The following SPOCK3 variants were observed in gnomAD, a reference collection of about 807,000 sequenced individuals.
SPOCK3 encodes the protein testican-3.
SPOCK3 carries 30 observed loss-of-function variants against 56.6 expected under a neutral mutation model. The ratio of observed to expected loss-of-function variants is 0.53; its 90% CI spans 0.40 to 0.72. SPOCK3 has a LOEUF of 0.72. Ranked by LOEUF, SPOCK3 falls within the 30% of genes least tolerant of loss-of-function variation. The probability of loss-of-function intolerance (pLI) is 0.00; values close to 1 mark genes in which losing one functional copy is unlikely to be tolerated. For missense variants in SPOCK3, 527 were observed against 530.0 expected (o/e 0.99, Z 0.06); for synonymous variants, 196 against 183.3 (o/e 1.07, Z -0.56).
intron 6 of SPOCK3, among the ~76,000 whole-genome samples, chr4:166,792,890 A>C (rs1223573079): frequency 6.6e-6 from 1 of 152,168 alleles, no homozygotes; most frequent in African/African-American, 2.4e-5. Context: ...AAAAGATTGT[A>C]CTGGCAAACT....
chr4:167,069,659 G>A (rs914340413), intron 2 of SPOCK3, among the ~76,000 whole-genome samples: 1 of 151,736 alleles, frequency 6.6e-6, no homozygotes, highest in Non-Finnish European at 1.5e-5. Context: ...GTGCATCTTC[G>A]GATACACAGA....
At chr4:167,060,680 TA>T (rs1333192530) in intron 3 of SPOCK3, among the ~76,000 whole-genome samples, 1 of 152,160 alleles carries the variant, frequency 6.6e-6, no homozygotes, top group Non-Finnish European at 1.5e-5. Context: ...TGTGCATTTT[TA>T]AAGCATAAAC....
intron 3 of SPOCK3, among the ~76,000 whole-genome samples, chr4:167,021,897 C>G (rs931101747): frequency 6.6e-6 from 1 of 151,848 alleles, no homozygotes; most frequent in African/African-American, 2.4e-5. Context: ...GTTTTTGGAC[C>G]CCAATTCTCC....
intron 3 of SPOCK3, among the ~76,000 whole-genome samples, chr4:167,009,214 G>A (rs902550531): frequency 1.3e-5 from 2 of 151,638 alleles, no homozygotes; most frequent in South Asian, 2.1e-4. Flanking sequence ...CATAGGCTAG[G>A]ATCTGGCAAT....
intron 4 of SPOCK3, among the ~76,000 whole-genome samples, chr4:166,931,479 TTTTG>T (rs1333303499): frequency 6.6e-5 from 10 of 152,284 alleles, no homozygotes; most frequent in Admixed American, 2.6e-4. Flanking sequence ...TACATATTAA[TTTTG>T]TTTATAATTT....
intron 6 of SPOCK3, among the ~76,000 whole-genome samples, chr4:166,819,324 A>G (rs761158578): frequency 6.6e-6 from 1 of 152,076 alleles, no homozygotes; most frequent in Non-Finnish European, 1.5e-5. Context: ...AATCCAAGAT[A>G]TCTGTTCTTA....
rs758997536 is a variant in SPOCK3 at position 167,210,816 on chromosome 4, GCT to G, written c.189+23167_189+23168del. ...AGAGCAAAATAGGTAAGTGCAGAAG[GCT>G]CTCTCTCTCTGTGTATCTCTCTCTA... On this transcript the variant is annotated intron_variant, in intron 2 of 10. Transcript: ENST00000357545. Among the ~76,000 whole-genome samples the G allele has an allele frequency of 3.3e-5, 5 of 151,562 alleles. No individual in the cohort carries two copies. The South Asian group carries it at 8.4e-4, about 25-fold the overall frequency.
chr4:167,018,985 C>T (rs1750913779), intron 3 of SPOCK3, among the ~76,000 whole-genome samples: 4 of 152,030 alleles, frequency 2.6e-5, no homozygotes, highest in Admixed American at 1.3e-4. Flanking sequence ...GGACACAAGT[C>T]TCTCCAAGTG....
intron 4 of SPOCK3, chr4:166,918,381 A>G (rs1045546926): frequency 6.6e-6 from 1 of 152,162 alleles, no homozygotes; most frequent in Non-Finnish European, 1.5e-5. Context: ...GAATGCAAAA[A>G]AGTATTCTGT....
At chr4:166,967,123 T>C (rs752618012) in intron 4 of SPOCK3, among the ~76,000 whole-genome samples, 9 of 152,194 alleles carry the variant, frequency 5.9e-5, no homozygotes, top group Non-Finnish European at 1.3e-4. Context: ...GTTAGTTCCC[T>C]GATCTTTATC....
chr4:167,169,271 T>C (rs1253710791), intron 2 of SPOCK3, among the ~76,000 whole-genome samples: 1 of 152,118 alleles, frequency 6.6e-6, no homozygotes, highest in Admixed American at 6.5e-5. Context: ...TTGCAATGTG[T>C]GCTTGGAAAA....
intron 2 of SPOCK3, among the ~76,000 whole-genome samples, chr4:167,157,765 C>A (rs888600287): frequency 3.3e-5 from 5 of 151,766 alleles, no homozygotes; most frequent in Non-Finnish European, 5.9e-5. Context: ...CACACACACA[C>A]ACACAGACAC....
chr4:167,221,824 G>T (rs892473913), intron 2 of SPOCK3, among the ~76,000 whole-genome samples: 1 of 152,078 alleles, frequency 6.6e-6, no homozygotes, highest in Admixed American at 6.6e-5. Flanking sequence ...TAGCAAGGGT[G>T]CAAAAAAATT....
intron 4 of SPOCK3, among the ~76,000 whole-genome samples, chr4:166,980,565 C>G (rs117490595): frequency 6.6e-6 from 1 of 152,218 alleles, no homozygotes; most frequent in Admixed American, 6.5e-5. Context: ...CCCACACCTG[C>G]CAAGGGCAAG....
chr4:166,926,350 G>C (rs1345169300), intron 4 of SPOCK3, among the ~76,000 whole-genome samples: 1 of 152,082 alleles, frequency 6.6e-6, no homozygotes, highest in Non-Finnish European at 1.5e-5. Context: ...TAGCCACACA[G>C]CACAGATAGC....
chr4:167,059,248 C>A (rs1441975482), intron 3 of SPOCK3, among the ~76,000 whole-genome samples: 1 of 152,168 alleles, frequency 6.6e-6, no homozygotes, highest in Admixed American at 6.6e-5. Context: ...TCGCAACCTG[C>A]TCTTCTGACA....
chr4:167,088,928 A>G (rs1393362066), intron 2 of SPOCK3, among the ~76,000 whole-genome samples: 1 of 152,194 alleles, frequency 6.6e-6, no homozygotes, highest in South Asian at 2.1e-4. Flanking sequence ...GTTCCCATAC[A>G]ATAAAGAACT....
chr4:166,845,141 T>A (rs1747923028), intron 6 of SPOCK3, among the ~76,000 whole-genome samples: 1 of 152,252 alleles, frequency 6.6e-6, no homozygotes, highest in Non-Finnish European at 1.5e-5. Context: ...AGTAATATTG[T>A]ACATTAAATA....
chr4:167,187,325 T>C (rs1036099645), intron 2 of SPOCK3, among the ~76,000 whole-genome samples: 3 of 151,854 alleles, frequency 2.0e-5, no homozygotes, highest in East Asian at 3.9e-4. Context: ...TCTCCCTCAT[T>C]GTACTCTTTC....
Sources: gnomAD v4.1 joint callset for allele counts (sites outside exome capture counted in the v4.1 genomes callset) on GRCh38, gnomAD v4.1.1 for gene constraint, MANE v1.5 for transcripts, NCBI Gene and HGNC (gene_info 2026-07-23, HGNC 2026-07-21) for gene names.